The following LRFN2 variants were observed in gnomAD, a reference collection of about 807,000 sequenced individuals.
LRFN2 encodes the protein leucine rich repeat and fibronectin type III domain containing 2.
In LRFN2, 18 loss-of-function variants were observed where a neutral mutation model predicts 37.3. The ratio of observed to expected loss-of-function variants is 0.48; its 90% CI spans 0.33 to 0.72. The LOEUF is 0.72. LRFN2 is among the 30% of genes least tolerant of loss of function. The pLI is 0.02. For missense variants in LRFN2, 1,006 were observed against 1,060.7 expected (o/e 0.95, Z 0.72); for synonymous variants, 556 against 466.6 (o/e 1.19, Z -2.47).
intron 1 of LRFN2, among the ~76,000 whole-genome samples, chr6:40,550,408 T>A (rs982059238): frequency 4.6e-5 from 7 of 152,202 alleles, no homozygotes; most frequent in Non-Finnish European, 7.3e-5. Flanking sequence ...GGCAATGGCC[T>A]TTGATTGCTC....
intron 1 of LRFN2, among the ~76,000 whole-genome samples, chr6:40,537,906 A>G (rs1324691963): frequency 6.6e-6 from 1 of 151,952 alleles, no homozygotes; most frequent in East Asian, 1.9e-4. Flanking sequence ...CAGGCACACT[A>G]GAGATTGAAG....
At chr6:40,521,431 T>G (rs888355093) in intron 1 of LRFN2, among the ~76,000 whole-genome samples, 2 of 152,234 alleles carry the variant, frequency 1.3e-5, no homozygotes, top group African/African-American at 4.8e-5. Flanking sequence ...TGCAGAGCTT[T>G]CTAATACTAA....
chr6:40,504,874 C>T (rs1415467426), intron 1 of LRFN2, among the ~76,000 whole-genome samples: 1 of 152,226 alleles, frequency 6.6e-6, no homozygotes, highest in Non-Finnish European at 1.5e-5. Context: ...GTGAGTACAG[C>T]GTTGGGTCTG....
chr6:40,421,465 G>A (rs1763227224), intron 2 of LRFN2, among the ~76,000 whole-genome samples: 1 of 152,128 alleles, frequency 6.6e-6, no homozygotes, highest in Non-Finnish European at 1.5e-5. Flanking sequence ...TCGCTTTGAG[G>A]TAATAGGTAG....
intron 2 of LRFN2, among the ~76,000 whole-genome samples, chr6:40,423,537 G>A (rs1006742723): frequency 1.3e-5 from 2 of 152,124 alleles, no homozygotes; most frequent in African/African-American, 2.4e-5. Flanking sequence ...AAATAAAGAT[G>A]GAGAGCAATA....
At chr6:40,467,711 G>C (rs1186152354) in intron 1 of LRFN2, among the ~76,000 whole-genome samples, 1 of 152,166 alleles carries the variant, frequency 6.6e-6, no homozygotes, top group Non-Finnish European at 1.5e-5. Flanking sequence ...CTCGGCCATG[G>C]GAGGTTCTGA....
At chr6:40,402,919 T>C (rs778788897) in intron 2 of LRFN2, among the ~76,000 whole-genome samples, 9 of 152,070 alleles carry the variant, frequency 5.9e-5, no homozygotes, top group Non-Finnish European at 1.3e-4. Flanking sequence ...TGGATATCCA[T>C]GGGCAGAGTT....
At chr6:40,401,317 G>A (rs1762736124) in intron 2 of LRFN2, among the ~76,000 whole-genome samples, 1 of 152,126 alleles carries the variant, frequency 6.6e-6, no homozygotes, top group African/African-American at 2.4e-5. Flanking sequence ...TGTGGAGGAT[G>A]TCATCTGTGC....
intron 1 of LRFN2, among the ~76,000 whole-genome samples, chr6:40,505,308 CT>C (rs1403740525): frequency 6.6e-6 from 1 of 152,174 alleles, no homozygotes; most frequent in Non-Finnish European, 1.5e-5. Context: ...TGCTCGTTTG[CT>C]TTTTAATCAT....
chr6:40,482,030 T>C (rs1764842477), intron 1 of LRFN2, among the ~76,000 whole-genome samples: 1 of 152,190 alleles, frequency 6.6e-6, no homozygotes, highest in Non-Finnish European at 1.5e-5. Context: ...AGTTACCAGT[T>C]ACCTAGCTTG....
intron 1 of LRFN2, among the ~76,000 whole-genome samples, chr6:40,497,393 G>GC (rs977237237): frequency 2.0e-5 from 3 of 151,986 alleles, no homozygotes; most frequent in African/African-American, 7.3e-5. Context: ...TTTCTGCTCT[G>GC]CCCCCCATTC....
chr6:40,502,242 A>C (rs1765401234), intron 1 of LRFN2: 1 of 152,190 alleles, frequency 6.6e-6, no homozygotes, highest in Non-Finnish European at 1.5e-5. Flanking sequence ...CTAACCTAGA[A>C]TATGAGAGAT....
intron 1 of LRFN2, among the ~76,000 whole-genome samples, chr6:40,435,111 A>C (rs1472918445): frequency 5.3e-5 from 7 of 133,008 alleles, no homozygotes; most frequent in Non-Finnish European, 1.1e-4. Flanking sequence ...AATATATATT[A>C]TATATTTTAT....
Position 40,478,732 on chromosome 6 carries a change from G to A in LRFN2, c.-18-45601C>T, listed in dbSNP as rs115303077. On this transcript the variant is annotated intron_variant, in intron 1 of 2. Coordinates refer to ENST00000338305, the MANE Select transcript of LRFN2 (RefSeq NM_020737.3). ...TCCTTCCTGTCTGACCATGCTCTCA[G>A]TCCTTTCCAATATGTGCATGTGTGT... Among the ~76,000 whole-genome samples the A allele has an allele frequency of 6.5e-3, 995 of 152,314 alleles. 5 individuals carry two copies. The highest frequency in any genetic ancestry group is 0.012 in the Non-Finnish European group (784 of 68,022).
intron 1 of LRFN2, among the ~76,000 whole-genome samples, chr6:40,537,372 C>T (rs1766468926): frequency 6.6e-6 from 1 of 152,198 alleles, no homozygotes; most frequent in Admixed American, 6.5e-5. Context: ...AGGGCCACAA[C>T]CAGGGAAAGG....
At chr6:40,564,867 A>T (rs988172952) in intron 1 of LRFN2, among the ~76,000 whole-genome samples, 2 of 151,812 alleles carry the variant, frequency 1.3e-5, no homozygotes, top group Non-Finnish European at 2.9e-5. Context: ...ATATCCTCCA[A>T]CCCCAAAATC....
intron 1 of LRFN2, among the ~76,000 whole-genome samples, chr6:40,495,883 C>A (rs1765213763): frequency 6.6e-6 from 1 of 152,206 alleles, no homozygotes; most frequent in African/African-American, 2.4e-5. Context: ...TCCAGCCCAG[C>A]CCTTTCCTCC....
chr6:40,571,523 G>C (rs1371576169), intron 1 of LRFN2, among the ~76,000 whole-genome samples: 3 of 152,166 alleles, frequency 2.0e-5, no homozygotes, highest in Non-Finnish European at 2.9e-5. Flanking sequence ...CAGGGCAATG[G>C]GGAGGGAGGG....
intron 1 of LRFN2, among the ~76,000 whole-genome samples, chr6:40,576,674 G>A (rs376649195): frequency 6.6e-6 from 1 of 152,154 alleles, no homozygotes; most frequent in African/African-American, 2.4e-5. Flanking sequence ...TACGGAACAG[G>A]CTGATCACAG....
Sources: gnomAD v4.1 joint callset for allele counts (sites outside exome capture counted in the v4.1 genomes callset) on GRCh38, gnomAD v4.1.1 for gene constraint, MANE v1.5 for transcripts, NCBI Gene and HGNC (gene_info 2026-07-23, HGNC 2026-07-21) for gene names.